Variants in ROBO2 observed in about 807,000 individuals in gnomAD.
ROBO2 encodes the protein roundabout guidance receptor 2.
ROBO2 carries 53 observed loss-of-function variants against 160.8 expected under a neutral mutation model. The observed-to-expected ratio is 0.33, with a 90% CI of 0.26 to 0.41. ROBO2 has a LOEUF of 0.41. Ranked by LOEUF, ROBO2 falls within the 10% of genes least tolerant of loss-of-function variation. ROBO2 has a pLI of 1.00. For synonymous variants in ROBO2, 664 were observed against 611.7 expected (o/e 1.09, Z -1.26); for missense variants, 1,577 against 1,722.4 (o/e 0.92, Z 1.49).
intron 2 of ROBO2, among the ~76,000 whole-genome samples, chr3:76,978,684 T>C (rs781076549): frequency 1.8e-4 from 27 of 152,070 alleles, no homozygotes; most frequent in Non-Finnish European, 3.1e-4. Context: ...AGGTAACAGA[T>C]ACTTAACTCA....
At chr3:77,032,728 C>T (rs2149562717) in intron 2 of ROBO2, among the ~76,000 whole-genome samples, 1 of 152,286 alleles carries the variant, frequency 6.6e-6, no homozygotes, top group Non-Finnish European at 1.5e-5. Context: ...TGCTTACACA[C>T]TCATCCTGAA....
At chr3:75,990,081 T>G (rs1041409343) in intron 2 of ROBO2, among the ~76,000 whole-genome samples, 1 of 152,198 alleles carries the variant, frequency 6.6e-6, no homozygotes, top group Middle Eastern at 3.2e-3. Flanking sequence ...TTAAATAAGC[T>G]TATAAAGTAT....
intron 2 of ROBO2, among the ~76,000 whole-genome samples, chr3:76,050,806 G>A (rs1338476255): frequency 1.3e-5 from 2 of 152,164 alleles, no homozygotes; most frequent in African/African-American, 2.4e-5. Flanking sequence ...GCAGGTGAAA[G>A]GGAATTCACA....
intron 2 of ROBO2, among the ~76,000 whole-genome samples, chr3:76,194,357 T>TATATATATATATATATAC (rs1199752871): frequency 3.5e-5 from 3 of 86,276 alleles, no homozygotes; most frequent in African/African-American, 1.5e-4. Context: ...TGTGTAAATA[T>TATATATATATATATATAC]ATATATATAT....
intron 2 of ROBO2, among the ~76,000 whole-genome samples, chr3:76,374,060 A>G (rs1236334145): frequency 6.6e-6 from 1 of 151,926 alleles, no homozygotes; most frequent in Non-Finnish European, 1.5e-5. Context: ...GTCCTCTTGA[A>G]GCCTAGATTC....
At chr3:77,632,436 A>G (rs963205177) in intron 23 of ROBO2, 7 of 1,448,866 alleles carry the variant, frequency 4.8e-6, no homozygotes, top group Non-Finnish European at 5.5e-6. Flanking sequence ...GAGATTTTCA[A>G]TATATACAAC....
chr3:76,341,882 T>C (rs2074250934), intron 2 of ROBO2, among the ~76,000 whole-genome samples: 1 of 152,174 alleles, frequency 6.6e-6, no homozygotes, highest in Non-Finnish European at 1.5e-5. Context: ...TTCACTATGG[T>C]GGAGACTTCT....
chr3:77,277,372 T>C (rs1237153459), intron 2 of ROBO2, among the ~76,000 whole-genome samples: 1 of 151,826 alleles, frequency 6.6e-6, no homozygotes. Context: ...TGTGCCATGG[T>C]GGTTTGCTGC....
At chr3:76,024,960 ATG>A (rs1194579339) in intron 2 of ROBO2, among the ~76,000 whole-genome samples, 2 of 150,172 alleles carry the variant, frequency 1.3e-5, no homozygotes, top group Admixed American at 1.3e-4. Context: ...TATTATATAT[ATG>A]TGTGTATATA....
At chr3:76,179,171 T>A (rs1701379621) in intron 2 of ROBO2, among the ~76,000 whole-genome samples, 1 of 152,134 alleles carries the variant, frequency 6.6e-6, no homozygotes, top group African/African-American at 2.4e-5. Flanking sequence ...TGAGACATAT[T>A]CCTGATGGCC....
At chr3:77,372,940 T>C (rs1044031914) in intron 2 of ROBO2, among the ~76,000 whole-genome samples, 1 of 151,912 alleles carries the variant, frequency 6.6e-6, no homozygotes, top group Non-Finnish European at 1.5e-5. Flanking sequence ...TGTGCTTCTG[T>C]ATTAACTATT....
chr3:76,451,671 A>C (rs546018750), intron 2 of ROBO2, among the ~76,000 whole-genome samples: 1 of 152,278 alleles, frequency 6.6e-6, no homozygotes, highest in African/African-American at 2.4e-5. Context: ...TTTAGAAACC[A>C]TTAAATTATT....
rs1218477849 is a variant in ROBO2, at chr3:76,306,302, A to G, written c.109+368700A>G. ...GGTGACAATTTTTGTTTGTAAACTCATTAGGGAAGGTTTTATCTCATACAC... is the reference window on the plus strand; with the variant it reads ...GGTGACAATTTTTGTTTGTAAACTCGTTAGGGAAGGTTTTATCTCATACAC... On this transcript the variant is annotated intron_variant, in intron 2 of 26. Coordinates refer to the ROBO2 transcript ENST00000487694. 2.6e-5 allele frequency among the ~76,000 whole-genome samples: 4 copies of G among 152,120 alleles called. No individual in the cohort carries two copies. In the South Asian group the frequency reaches 6.2e-4, roughly 24 times the overall value.
intron 2 of ROBO2, among the ~76,000 whole-genome samples, chr3:76,892,695 G>A (rs925575749): frequency 6.6e-6 from 1 of 152,090 alleles, no homozygotes; most frequent in South Asian, 2.1e-4. Context: ...CACCTGAATA[G>A]TTGGAGAAAA....
At chr3:76,125,813 A>C (rs1326065522) in intron 2 of ROBO2, among the ~76,000 whole-genome samples, 3 of 152,058 alleles carry the variant, frequency 2.0e-5, no homozygotes, top group African/African-American at 7.2e-5. Flanking sequence ...GAGCATCAAA[A>C]TAATTTTATT....
intron 2 of ROBO2, among the ~76,000 whole-genome samples, chr3:76,988,820 T>C (rs1256723219): frequency 1.3e-5 from 2 of 152,138 alleles, no homozygotes; most frequent in East Asian, 3.9e-4. Flanking sequence ...AGTGAATATG[T>C]ATTTTCAAAA....
intron 2 of ROBO2, among the ~76,000 whole-genome samples, chr3:76,792,408 AG>A (rs2063419956): frequency 6.6e-6 from 1 of 151,836 alleles, no homozygotes; most frequent in Non-Finnish European, 1.5e-5. Flanking sequence ...GCAGATACCA[AG>A]GAACAACTGT....
At chr3:77,564,494 G>C (rs1209078568) in intron 11 of ROBO2, 1 of 455,426 alleles carries the variant, frequency 2.2e-6, no homozygotes, top group Admixed American at 2.4e-5. Flanking sequence ...ATGTGGAAAT[G>C]ATGCAAAAGA....
intron 17 of ROBO2, among the ~76,000 whole-genome samples, chr3:77,592,453 T>G (rs1423993809): frequency 6.6e-6 from 1 of 152,194 alleles, no homozygotes; most frequent in Non-Finnish European, 1.5e-5. Context: ...CAGCATTTAA[T>G]TTTCAATTGC....
Sources: allele counts gnomAD v4.1 joint callset (sites outside exome capture counted in the v4.1 genomes callset), GRCh38; gene constraint gnomAD v4.1.1; transcripts MANE v1.5; gene names NCBI Gene and HGNC (gene_info 2026-07-23, HGNC 2026-07-21).